Variants in FAM163B observed in about 807,000 individuals in gnomAD.
FAM163B encodes protein FAM163B.
In FAM163B, 4 loss-of-function variants were observed where a neutral mutation model predicts 7.6. The observed-to-expected ratio is 0.52, with a 90% CI of 0.26 to 1.20. The LOEUF is 1.20. Among genes scored for constraint, FAM163B ranks in the 50% most tolerant of loss-of-function variants. FAM163B has a pLI of 0.14. For missense variants in FAM163B, 250 were observed against 243.0 expected, an observed-to-expected ratio of 1.03 and a Z score of -0.19; for synonymous variants, 120 against 111.6, an observed-to-expected ratio of 1.07 and a Z score of -0.47.
Position 133,600,259 on chromosome 9 carries a change from C to CTG in FAM163B, c.-24+8816_-24+8817dup, listed in dbSNP as rs3074996. Among the ~76,000 whole-genome samples, 1,916 of 146,492 alleles carry CTG rather than the reference C, an allele frequency of 0.013. 24 individuals carry two copies. The highest frequency in any genetic ancestry group is 0.029 in the East Asian group (136 of 4,718). On this transcript the variant is annotated intron_variant, in intron 1 of 2. Transcript: ENST00000673969. This position sits in a 1 kb window ranked among gnomAD's most constrained non-coding sequence, Gnocchi z 4.9. ...CTGTGTGCATGTGTGTGAGTGTGGT[C>CTG]TGTGTGTGTGTGTGTGTGTGTGTGT...
At chr9:133,605,144 C>T (rs144647839) in intron 1 of FAM163B, among the ~76,000 whole-genome samples, 110 of 152,300 alleles carry the variant, frequency 7.2e-4, no homozygotes, top group Non-Finnish European at 1.0e-3. Flanking sequence ...GTCGGGGCTG[C>T]GTGGGGTGGA....
chr9:133,596,296 C>T (rs1831632423), intron 1 of FAM163B, among the ~76,000 whole-genome samples: 1 of 151,962 alleles, frequency 6.6e-6, no homozygotes, highest in African/African-American at 2.4e-5. Context: ...AGCACGGTGG[C>T]TGCCACTTGA....
intron 1 of FAM163B, among the ~76,000 whole-genome samples, chr9:133,604,759 ATGC>A (rs57205982): frequency 7.3e-5 from 11 of 151,594 alleles, no homozygotes; most frequent in African/African-American, 1.5e-4. Flanking sequence ...GTTCCTAGGG[ATGC>A]TGCTGCTGCT....
chr9:133,584,406 G>C (rs1298752928), intron 1 of FAM163B, among the ~76,000 whole-genome samples: 1 of 152,186 alleles, frequency 6.6e-6, no homozygotes, highest in Non-Finnish European at 1.5e-5. Flanking sequence ...GGGTTTAGAC[G>C]CTGATTCCTC....
intron 1 of FAM163B, 93 bp from the exon 2 acceptor site, chr9:133,580,339 G>T: frequency 1.0e-6 from 1 of 996,370 alleles, no homozygotes; most frequent in Non-Finnish European, 1.5e-6. Flanking sequence ...CAAGCTGAGG[G>T]GAAAAAAGCA....
intron 1 of FAM163B, among the ~76,000 whole-genome samples, chr9:133,582,486 C>G (rs1326371363): frequency 6.6e-6 from 1 of 152,192 alleles, no homozygotes. Flanking sequence ...CTACCATCCA[C>G]CTTGGGGCCC....
In FAM163B at chr9:133,580,063, T is replaced by C. The variant is rs927795937; in HGVS notation, c.93+68A>G. 4.7e-4 allele frequency: 645 copies of C among 1,365,082 alleles called. 4 individuals are homozygous for C. In the African/African-American group the frequency reaches 8.6e-3, roughly 18 times the overall value. 84.6% of individuals were successfully genotyped at this position (1,365,082 alleles called of 1,614,324 possible). On this transcript the variant is annotated intron_variant, in intron 2 of 2. Coordinates refer to ENST00000673969, the MANE Select transcript of FAM163B (RefSeq NM_001080515.3). ...GACCCTTGTGACCTTCAGGCGGGGC[T>C]CCCTCCCGAGGTAGGGGCACCCTCT...
At chr9:133,602,078 C>T (rs1309318533) in intron 1 of FAM163B, among the ~76,000 whole-genome samples, 1 of 151,962 alleles carries the variant, frequency 6.6e-6, no homozygotes, top group Non-Finnish European at 1.5e-5. Context: ...CCCTGCCCCC[C>T]GCCCCCCCAA....
intron 1 of FAM163B, among the ~76,000 whole-genome samples, chr9:133,582,891 C>T (rs1317447719): frequency 2.0e-5 from 3 of 152,156 alleles, no homozygotes; most frequent in East Asian, 1.9e-4. Context: ...AGTCAGAAGG[C>T]GCTGGTCCCC....
chr9:133,607,219 T>TA (rs1434420391), intron 1 of FAM163B, among the ~76,000 whole-genome samples: 2 of 152,136 alleles, frequency 1.3e-5, no homozygotes, highest in African/African-American at 4.8e-5. Context: ...CACAATTTTG[T>TA]ACATGGGAGA....
chr9:133,599,733 G>C (rs1313054657), intron 1 of FAM163B, among the ~76,000 whole-genome samples: 1 of 151,732 alleles, frequency 6.6e-6, no homozygotes, highest in Non-Finnish European at 1.5e-5. Context: ...GTGTGTCTGT[G>C]TGCATGTGTG....
At chr9:133,579,462 C>T (rs1345295674) in intron 2 of FAM163B, 33 bp from the exon 3 acceptor site, 2 of 1,530,138 alleles carry the variant, frequency 1.3e-6, no homozygotes, top group Admixed American at 3.8e-5. Context: ...CATGCGGCCG[C>T]CCGCTCCCAC....
In FAM163B at chr9:133,600,336, G is replaced by T. The variant is rs556039798; in HGVS notation, c.-24+8741C>A. Reference sequence around the variant, plus strand: ...ATGAAGAGCAGCATGCAGGTGCAAAGGTAGAGTCCAGCAGCCTGGCCCATC... The same window carrying T: ...ATGAAGAGCAGCATGCAGGTGCAAATGTAGAGTCCAGCAGCCTGGCCCATC... On this transcript the variant is annotated intron_variant, in intron 1 of 2. Coordinates refer to ENST00000673969, the MANE Select transcript of FAM163B (RefSeq NM_001080515.3). This position sits in a 1 kb window ranked among gnomAD's most constrained non-coding sequence, Gnocchi z 4.9. Among the ~76,000 whole-genome samples, 2 of 152,112 alleles carry T rather than the reference G, an allele frequency of 1.3e-5. No individual in the cohort carries two copies. The highest frequency in any genetic ancestry group is 2.4e-5 in the African/African-American group (1 of 41,506).
intron 1 of FAM163B, among the ~76,000 whole-genome samples, chr9:133,591,373 T>G (rs930385133): frequency 5.3e-5 from 8 of 152,138 alleles, no homozygotes; most frequent in Non-Finnish European, 8.8e-5. Context: ...GGGTGTCCTG[T>G]GGGGGTGGTA....
Position 133,599,729 on chromosome 9 carries a change from CTG to C in FAM163B, c.-24+9346_-24+9347del, listed in dbSNP as rs879930528. On this transcript the variant is annotated intron_variant, in intron 1 of 2. Transcript: ENST00000673969. ...CATGTGTGAGCATGTGCATGTGTGTCTGTGTGCATGTGTGTGGTCTGTATGCA... is the reference window on the plus strand; with the variant it reads ...CATGTGTGAGCATGTGCATGTGTGTCTGTGCATGTGTGTGGTCTGTATGCA... Among the ~76,000 whole-genome samples the C allele has an allele frequency of 2.9e-3, 421 of 146,304 alleles. 3 individuals are homozygous for C. Among genetic ancestry groups the C allele is most frequent in the Non-Finnish European group, 3.7e-3 (249 of 66,856 alleles).
rs10125652 is a variant in FAM163B, at chr9:133,578,005, A to G, written c.*1017T>C. Among the ~76,000 whole-genome samples, 112,452 of 151,992 alleles carry G rather than the reference A, an allele frequency of 0.74. 41,785 individuals carry two copies. The highest frequency in any genetic ancestry group is 0.87 in the Middle Eastern group (255 of 294). ...AAGCAGGTAGGGGAGGTGACCTGCA[A>G]CTCTGTCTCCCTTGGGGATCTCAGT... On this transcript the variant is annotated 3_prime_UTR_variant, in exon 3 of 3. Transcript: ENST00000673969.
chr9:133,590,059 T>TC (rs1246727539), intron 1 of FAM163B, among the ~76,000 whole-genome samples: 1,395 of 23,250 alleles, frequency 0.06, 250 homozygotes, highest in East Asian at 0.19. Context: ...TCCCTTCCCT[T>TC]CCCTTCCCCT....
intron 1 of FAM163B, among the ~76,000 whole-genome samples, chr9:133,604,886 G>A (rs962160807): frequency 1.3e-5 from 2 of 152,246 alleles, no homozygotes; most frequent in African/African-American, 4.8e-5. Context: ...GAGAGAGGAC[G>A]GTTCTCCAGA....
intron 2 of FAM163B, among the ~76,000 whole-genome samples, 169 bp downstream of exon 2, chr9:133,579,962 G>C (rs1831330254): frequency 6.6e-6 from 1 of 152,196 alleles, no homozygotes; most frequent in Non-Finnish European, 1.5e-5. Flanking sequence ...ATCTTACTGA[G>C]CCCCATGGTA....
Sources: gnomAD v4.1 joint callset for allele counts (sites outside exome capture counted in the v4.1 genomes callset) on GRCh38, gnomAD v4.1.1 for gene constraint, Gnocchi (gnomAD v3.1) non-coding constraint, MANE v1.5 for transcripts, NCBI Gene and HGNC (gene_info 2026-07-23, HGNC 2026-07-21) for gene names.